The following CNTNAP2 variants were observed in gnomAD, a reference collection of about 807,000 sequenced individuals.
CNTNAP2 encodes the protein contactin-associated protein-like 2.
A neutral mutation model predicts 155.2 loss-of-function variants in CNTNAP2; 98 were observed. The ratio of observed to expected loss-of-function variants is 0.63; its 90% CI spans 0.54 to 0.75. CNTNAP2 has a LOEUF of 0.75. Ranked by LOEUF, CNTNAP2 falls within the 30% of genes least tolerant of loss-of-function variation. The probability of loss-of-function intolerance (pLI) is 0.00; values close to 1 mark genes in which losing one functional copy is unlikely to be tolerated. For synonymous variants in CNTNAP2, 651 were observed against 631.2 expected, an observed-to-expected ratio of 1.03 and a Z score of -0.47; for missense variants, 1,727 against 1,688.1, an observed-to-expected ratio of 1.02 and a Z score of -0.40.
intron 13 of CNTNAP2, among the ~76,000 whole-genome samples, chr7:147,773,311 G>T (rs1250182627): frequency 6.6e-6 from 1 of 152,094 alleles, no homozygotes; most frequent in Non-Finnish European, 1.5e-5. Context: ...AAGGATAGAA[G>T]TCTTGTTCAT....
At chr7:148,246,204 G>A (rs898297961) in intron 20 of CNTNAP2, among the ~76,000 whole-genome samples, 10 of 152,164 alleles carry the variant, frequency 6.6e-5, no homozygotes, top group Non-Finnish European at 1.3e-4. Flanking sequence ...TATTGTTATT[G>A]CTGCCAAAAC....
At chr7:146,720,262 C>G (rs558300967) in intron 1 of CNTNAP2, among the ~76,000 whole-genome samples, 1 of 152,224 alleles carries the variant, frequency 6.6e-6, no homozygotes, top group East Asian at 1.9e-4. Flanking sequence ...GCTGTCAGCA[C>G]AGTTTCTCCA....
chr7:147,700,603 A>T (rs1170663840), intron 13 of CNTNAP2, among the ~76,000 whole-genome samples: 1 of 152,220 alleles, frequency 6.6e-6, no homozygotes, highest in Non-Finnish European at 1.5e-5. Flanking sequence ...AAATTGAAGA[A>T]ATATCAGAAG....
chr7:147,781,037 G>A (rs1303980393), intron 13 of CNTNAP2, among the ~76,000 whole-genome samples: 3 of 152,164 alleles, frequency 2.0e-5, no homozygotes, highest in African/African-American at 7.2e-5. Context: ...AGTGGTTACA[G>A]AATATCAAAT....
chr7:147,956,016 A>C (rs1801011952), intron 14 of CNTNAP2, among the ~76,000 whole-genome samples: 1 of 152,202 alleles, frequency 6.6e-6, no homozygotes, highest in Non-Finnish European at 1.5e-5. Flanking sequence ...TGCACACTGC[A>C]AATCTTTAAA....
chr7:147,853,768 C>T (rs1011085292), intron 13 of CNTNAP2, among the ~76,000 whole-genome samples: 5 of 152,070 alleles, frequency 3.3e-5, no homozygotes, highest in Admixed American at 6.6e-5. Flanking sequence ...TATTTTTTCT[C>T]ATTCTTTTTT....
chr7:146,234,678 T>C (rs1341140015), intron 1 of CNTNAP2, among the ~76,000 whole-genome samples: 1 of 152,144 alleles, frequency 6.6e-6, no homozygotes, highest in Non-Finnish European at 1.5e-5. Flanking sequence ...GCTTTCTACA[T>C]ATGGCTAGCC....
chr7:147,271,119 G>C (rs1804740259), intron 8 of CNTNAP2, among the ~76,000 whole-genome samples: 2 of 152,174 alleles, frequency 1.3e-5, no homozygotes, highest in African/African-American at 4.8e-5. Flanking sequence ...AGAAATGTAA[G>C]TAGTTTCACG....
At chr7:147,841,260 AT>A (rs1248322937) in intron 13 of CNTNAP2, among the ~76,000 whole-genome samples, 4 of 152,146 alleles carry the variant, frequency 2.6e-5, no homozygotes, top group Non-Finnish European at 4.4e-5. Context: ...ATGTGTGGAT[AT>A]TTTTTACAAT....
chr7:146,559,389 G>A (rs1011494639), intron 1 of CNTNAP2, among the ~76,000 whole-genome samples: 2 of 152,024 alleles, frequency 1.3e-5, no homozygotes, highest in Admixed American at 1.3e-4. Context: ...CTAACGTGGT[G>A]AAACCTCGTC....
intron 14 of CNTNAP2, among the ~76,000 whole-genome samples, chr7:147,910,806 C>T (rs537488918): frequency 1.2e-4 from 19 of 152,252 alleles, no homozygotes; most frequent in Middle Eastern, 3.4e-3. Flanking sequence ...CACCTGGTCC[C>T]GCCCTTAACA....
intron 1 of CNTNAP2, among the ~76,000 whole-genome samples, chr7:146,594,433 T>TACACAC (rs4016062): frequency 0.57 from 85,505 of 149,248 alleles, 26,354 homozygotes; most frequent in South Asian, 0.74. Context: ...TACTAGTGTT[T>TACACAC]ACACACACAC....
intron 1 of CNTNAP2, among the ~76,000 whole-genome samples, chr7:146,411,834 AT>A (rs1563074206): frequency 5.0e-5 from 6 of 120,986 alleles, no homozygotes; most frequent in African/African-American, 2.4e-4. Context: ...TTACTTATTT[AT>A]TTATTTATTT....
At chr7:148,038,845 TGGATG>T (rs1563177022) in intron 15 of CNTNAP2, among the ~76,000 whole-genome samples, 1 of 151,556 alleles carries the variant, frequency 6.6e-6, no homozygotes, top group African/African-American at 2.4e-5. Flanking sequence ...GATGGATGGA[TGGATG>T]GATGGATGGA....
chr7:148,420,615 T>C lies in CNTNAP2; in HGVS notation c.*4999T>C, dbSNP rs1345656448. 1 of 152,356 alleles carries C rather than the reference T, an allele frequency of 6.6e-6. No homozygotes were observed. The highest frequency in any genetic ancestry group is 1.5e-5 in the Non-Finnish European group (1 of 68,052). The allele number at this position is 152,356 out of a possible 1,614,324, so 9.4% of individuals were successfully genotyped here. A position where few individuals can be genotyped will look rare whatever the true frequency, so the allele number is the denominator to read the frequency against. ...GTCTGCACCATTTCCAAGTCTCAGT[T>C]AATTTACAGCAACTGCTGCTTTCGG... On this transcript the variant is annotated 3_prime_UTR_variant, in exon 24 of 24. Coordinates refer to ENST00000361727, the MANE Select transcript of CNTNAP2 (RefSeq NM_014141.6).
intron 12 of CNTNAP2, among the ~76,000 whole-genome samples, chr7:147,604,122 A>C (rs892238132): frequency 1.3e-5 from 2 of 152,154 alleles, no homozygotes; most frequent in Non-Finnish European, 2.9e-5. Flanking sequence ...TAAAAACCCT[A>C]GAAGAAAACC....
At chr7:146,277,600 A>T (rs6948034) in intron 1 of CNTNAP2, among the ~76,000 whole-genome samples, 8,806 of 152,168 alleles carry the variant, frequency 0.058, 863 homozygotes, top group African/African-American at 0.2. Context: ...AGAAGCTTTT[A>T]TTTCCTGCTT....
At chr7:146,491,020 T>A (rs1797130806) in intron 1 of CNTNAP2, among the ~76,000 whole-genome samples, 1 of 152,094 alleles carries the variant, frequency 6.6e-6, no homozygotes, top group Admixed American at 6.5e-5. Flanking sequence ...TTTCTCTCAA[T>A]CTTTTAAAAA....
At chr7:147,404,816 C>T (rs1325979715) in intron 10 of CNTNAP2, among the ~76,000 whole-genome samples, 4 of 152,080 alleles carry the variant, frequency 2.6e-5, no homozygotes, top group Non-Finnish European at 5.9e-5. Flanking sequence ...CCAGGCGAAC[C>T]CATGTTCAAG....
Sources: gnomAD v4.1 joint callset for allele counts (sites outside exome capture counted in the v4.1 genomes callset) on GRCh38, gnomAD v4.1.1 for gene constraint, MANE v1.5 for transcripts, NCBI Gene and HGNC (gene_info 2026-07-23, HGNC 2026-07-21) for gene names.